TNFRSF8: variants seen among roughly 807,000 people sequenced by gnomAD.
TNFRSF8 encodes the protein TNF receptor superfamily member 8.
TNFRSF8 carries 26 observed loss-of-function variants against 70.8 expected under a neutral mutation model. That is an observed-to-expected ratio of 0.37 (90% confidence interval 0.27 to 0.51). TNFRSF8 has a LOEUF of 0.51. Ranked by LOEUF, TNFRSF8 falls within the 20% of genes least tolerant of loss-of-function variation. The pLI, the probability that TNFRSF8 is intolerant of heterozygous loss-of-function variation, is 0.94. For missense variants in TNFRSF8, 720 were observed against 807.9 expected (o/e 0.89, Z 1.32); for synonymous variants, 356 against 339.2 (o/e 1.05, Z -0.54).
rs1002226201 is a variant in TNFRSF8 at position 12,138,654 on chromosome 1, T to A, written c.1543+218T>A. On this transcript the variant is annotated intron_variant, in intron 14 of 14. Transcript: ENST00000263932. This position sits in a 1 kb window ranked among gnomAD's most constrained non-coding sequence, Gnocchi z 5.7. ...GTGCGGATTCATGAGCCAGTGTGCA[T>A]GAGATGCCTGCTGTTACTCATAAAA... 1.3e-5 allele frequency among the ~76,000 whole-genome samples: 2 copies of A among 152,190 alleles called. No individual in the cohort carries two copies. Among genetic ancestry groups the A allele is most frequent in the Admixed American group, 1.3e-4 (2 of 15,284 alleles).
At chr1:12,115,436 T>C (rs916326045) in intron 7 of TNFRSF8, 141 bp from the exon 8 acceptor site, 4 of 938,724 alleles carry the variant, frequency 4.3e-6, no homozygotes, top group Non-Finnish European at 6.9e-6. Context: ...GGAGAGCTGC[T>C]CAACGGCATA....
In TNFRSF8 at chr1:12,110,747, C is replaced by T. The variant is rs909170922; in HGVS notation, c.676+543C>T. ...CTGAGTAGCTGGGATTACAGGTGCC[C>T]ACCACCACGCCTGGCTAACTTTGTA... On this transcript the variant is annotated intron_variant, in intron 6 of 14. Transcript: ENST00000263932. This position sits in a 1 kb window ranked among gnomAD's most constrained non-coding sequence, Gnocchi z 4.0. 1.3e-5 allele frequency among the ~76,000 whole-genome samples: 2 copies of T among 151,512 alleles called. No individual in the cohort carries two copies. The highest frequency in any genetic ancestry group is 4.9e-5 in the African/African-American group (2 of 41,188).
At chr1:12,085,116 T>G (rs891093454) in intron 2 of TNFRSF8, among the ~76,000 whole-genome samples, 2 of 152,168 alleles carry the variant, frequency 1.3e-5, no homozygotes, top group African/African-American at 2.4e-5. Flanking sequence ...TATTTTTATT[T>G]TTATTTTTTT....
intron 1 of TNFRSF8, among the ~76,000 whole-genome samples, chr1:12,082,245 T>C (rs927631562): frequency 6.6e-6 from 1 of 152,134 alleles, no homozygotes; most frequent in Non-Finnish European, 1.5e-5. Context: ...GGGGGCTTGG[T>C]AAAAACATAT....
At position 12,125,931 on chromosome 1, in the gene TNFRSF8, G is replaced by A. The variant is rs757372081; in HGVS notation, c.1154-20G>A. 5.0e-6 allele frequency: 8 copies of A among 1,605,352 alleles called. No homozygotes were observed. In the East Asian group the frequency reaches 1.8e-4, roughly 36 times the overall value. On this transcript the variant is annotated intron_variant, in intron 10 of 14. Transcript: ENST00000263932. ...GTGGTTGCAGCAAGGCAAAGAGTGT[G>A]GGGCGTCTCTGTGTTCCAGGGCCAG... is the stretch of plus-strand genomic sequence containing the variant.
At chr1:12,092,545 TAACCCAGGC>T (rs1436664188) in intron 2 of TNFRSF8, among the ~76,000 whole-genome samples, 1 of 150,620 alleles carries the variant, frequency 6.6e-6, no homozygotes, top group African/African-American at 2.5e-5. Flanking sequence ...TCTCACTCTG[TAACCCAGGC>T]TGGATTGCAG....
At chr1:12,068,450 CA>C (rs1032777425) in intron 1 of TNFRSF8, among the ~76,000 whole-genome samples, 5 of 151,980 alleles carry the variant, frequency 3.3e-5, no homozygotes, top group African/African-American at 1.2e-4. Context: ...CGCAGAATGT[CA>C]AAAAAAGGCA....
chr1:12,111,565 T>TGCTGA (rs1641631737), intron 6 of TNFRSF8, among the ~76,000 whole-genome samples: 1 of 152,124 alleles, frequency 6.6e-6, no homozygotes, highest in Non-Finnish European at 1.5e-5. Context: ...TACGCTAGTG[T>TGCTGA]GCTGAGCTCT....
At chr1:12,130,091 A>G (rs1410305876) in intron 12 of TNFRSF8, among the ~76,000 whole-genome samples, 1 of 152,068 alleles carries the variant, frequency 6.6e-6, no homozygotes, top group East Asian at 1.9e-4. Flanking sequence ...TATTTTCAGT[A>G]GAGACAGAGT....
At chr1:12,075,408 C>T (rs1640926628) in intron 1 of TNFRSF8, among the ~76,000 whole-genome samples, 1 of 152,098 alleles carries the variant, frequency 6.6e-6, no homozygotes. Context: ...TCATCTGTTA[C>T]CATCCGGTAG....
intron 1 of TNFRSF8, among the ~76,000 whole-genome samples, chr1:12,066,665 T>A (rs1335228122): frequency 2.0e-5 from 3 of 150,006 alleles, no homozygotes; most frequent in Non-Finnish European, 4.4e-5. Context: ...AATTTTTTTT[T>A]ATTTTTTGGG....
rs1321924503 is a variant in TNFRSF8 at position 12,110,266 on chromosome 1, G to A, written c.676+62G>A. ...GGTGCTCGATTGGTGGATGGCCCATGAGTGGGGGTGTTTGGAGCAGGCGGG... is the reference window on the plus strand; with the variant it reads ...GGTGCTCGATTGGTGGATGGCCCATAAGTGGGGGTGTTTGGAGCAGGCGGG... On this transcript the variant is annotated intron_variant, in intron 6 of 14. Transcript: ENST00000263932. This position sits in a 1 kb window ranked among gnomAD's most constrained non-coding sequence, Gnocchi z 4.0. 6.7e-7 allele frequency: 1 copy of A among 1,484,472 alleles called. No individual in the cohort carries two copies. The highest frequency in any genetic ancestry group is 9.0e-7 in the Non-Finnish European group (1 of 1,111,374). 92.0% of individuals were successfully genotyped at this position (1,484,472 alleles called of 1,614,324 possible). A position where few individuals can be genotyped will look rare whatever the true frequency, so the allele number is the denominator to read the frequency against.
chr1:12,063,592 C>A lies in TNFRSF8; in HGVS notation c.-7C>A. On this transcript the variant is annotated 5_prime_UTR_variant, in exon 1 of 15. Coordinates refer to ENST00000263932, the MANE Select transcript of TNFRSF8 (RefSeq NM_001243.5). The surrounding 1 kb of genome is among the most constrained non-coding windows in gnomAD (Gnocchi z 7.2). ...GCCGCCAGGCCACCTCACGTCCGGC[C>A]CCGGGGATGCGCGTCCTCCTCGCCG... 1 of 1,309,226 alleles carries A rather than the reference C, an allele frequency of 7.6e-7. No homozygotes were observed. Among genetic ancestry groups the A allele is most frequent in the Non-Finnish European group, 9.8e-7 (1 of 1,020,606 alleles). 81.1% of individuals were successfully genotyped at this position (1,309,226 alleles called of 1,614,324 possible). A position where few individuals can be genotyped will look rare whatever the true frequency, so the allele number is the denominator to read the frequency against.
intron 8 of TNFRSF8, among the ~76,000 whole-genome samples, chr1:12,116,109 G>A (rs994025621): frequency 1.3e-5 from 2 of 152,158 alleles, no homozygotes; most frequent in African/African-American, 4.8e-5. Flanking sequence ...AGCCTTCTGA[G>A]TAGCTGGGGT....
chr1:12,132,924 C>A (rs1459327056), intron 12 of TNFRSF8, among the ~76,000 whole-genome samples: 1 of 151,800 alleles, frequency 6.6e-6, no homozygotes, highest in African/African-American at 2.4e-5. Flanking sequence ...TCTCAACAAG[C>A]CCCAAAGTTG....
intron 1 of TNFRSF8, among the ~76,000 whole-genome samples, chr1:12,078,735 C>T (rs540905031): frequency 2.4e-4 from 36 of 152,170 alleles, no homozygotes; most frequent in South Asian, 1.4e-3. Flanking sequence ...GCAGATTTCT[C>T]GTCCTTACGT....
chr1:12,092,263 C>T (rs1641258848), intron 2 of TNFRSF8, among the ~76,000 whole-genome samples: 2 of 152,066 alleles, frequency 1.3e-5, no homozygotes, highest in Admixed American at 1.3e-4. Flanking sequence ...ACTGCAACCT[C>T]TAACTCCTGG....
intron 1 of TNFRSF8, among the ~76,000 whole-genome samples, chr1:12,079,558 C>T (rs541044475): frequency 5.3e-5 from 8 of 152,362 alleles, no homozygotes; most frequent in East Asian, 1.9e-4. Context: ...CAGCGGCAGA[C>T]GCCCCGGCCC....
chr1:12,070,502 C>T (rs1031959408), intron 1 of TNFRSF8, among the ~76,000 whole-genome samples: 4 of 152,166 alleles, frequency 2.6e-5, no homozygotes, highest in Non-Finnish European at 5.9e-5. Flanking sequence ...ATCTGCCCGC[C>T]TATGTAGAGA....
Sources: allele counts gnomAD v4.1 joint callset (sites outside exome capture counted in the v4.1 genomes callset), GRCh38; gene constraint gnomAD v4.1.1; non-coding constraint Gnocchi (gnomAD v3.1); transcripts MANE v1.5; gene names NCBI Gene and HGNC (gene_info 2026-07-23, HGNC 2026-07-21).